ARHGAP15: variants seen among roughly 807,000 people sequenced by gnomAD.
The protein encoded by ARHGAP15 is rho GTPase-activating protein 15.
A neutral mutation model predicts 63.7 loss-of-function variants in ARHGAP15; 51 were observed. The observed-to-expected ratio is 0.80, with a 90% CI of 0.64 to 1.01. The LOEUF (loss-of-function observed/expected upper bound fraction) is 1.01. Ranked by LOEUF, ARHGAP15 falls within the 50% of genes least tolerant of loss-of-function variation. The pLI, the probability that ARHGAP15 is intolerant of heterozygous loss-of-function variation, is 0.00. For synonymous variants in ARHGAP15, 191 were observed against 193.8 expected (o/e 0.99, Z 0.12); for missense variants, 560 against 564.6 (o/e 0.99, Z 0.08).
intron 6 of ARHGAP15, among the ~76,000 whole-genome samples, chr2:143,381,338 CT>C (rs1354262913): frequency 4.6e-5 from 7 of 152,084 alleles, no homozygotes; most frequent in Non-Finnish European, 1.5e-5. Flanking sequence ...TTACCCTCAT[CT>C]TATTGGATGT....
At chr2:143,579,168 C>T (rs1559061642) in intron 11 of ARHGAP15, among the ~76,000 whole-genome samples, 2 of 152,022 alleles carry the variant, frequency 1.3e-5, no homozygotes, top group East Asian at 1.9e-4. Context: ...TACAATGTAT[C>T]GCATAATTAA....
intron 12 of ARHGAP15, among the ~76,000 whole-genome samples, chr2:143,631,999 TCTAG>T (rs1400632427): frequency 5.3e-5 from 8 of 152,238 alleles, no homozygotes; most frequent in African/African-American, 1.7e-4. Flanking sequence ...CTAATTTTTC[TCTAG>T]CTGTTTTAGC....
At chr2:143,575,255 C>G (rs1409633875) in intron 11 of ARHGAP15, among the ~76,000 whole-genome samples, 1 of 152,144 alleles carries the variant, frequency 6.6e-6, no homozygotes, top group Admixed American at 6.6e-5. Context: ...TTTCAAATTT[C>G]TCCATTGGAG....
intron 11 of ARHGAP15, among the ~76,000 whole-genome samples, chr2:143,574,240 A>G (rs1466215306): frequency 1.3e-5 from 2 of 152,126 alleles, no homozygotes; most frequent in Non-Finnish European, 2.9e-5. Context: ...GCAAAACAAC[A>G]TGAGTGTAAT....
chr2:143,598,056 C>T (rs755357237), intron 11 of ARHGAP15: 2 of 152,170 alleles, frequency 1.3e-5, no homozygotes, highest in African/African-American at 2.4e-5. Context: ...CCAAAGTCTC[C>T]ACCTTCCAAC....
In ARHGAP15 at chr2:143,689,424, T is replaced by TTTA. The variant is rs553437871; in HGVS notation, c.1139-13993_1139-13991dup. Among the ~76,000 whole-genome samples, 138 of 152,286 alleles carry TTTA rather than the reference T, an allele frequency of 9.1e-4. 1 individual carries two copies. Among genetic ancestry groups the TTTA allele is most frequent in the African/African-American group, 2.5e-3 (106 of 41,572 alleles). On this transcript the variant is annotated intron_variant, in intron 12 of 13. Transcript: ENST00000295095. ...CAGTTACTGTAAGAGTTCTAAGCTT[T>TTTA]TTATGAGCATTGTTCTCTGAGTTCT...
intron 6 of ARHGAP15, among the ~76,000 whole-genome samples, chr2:143,299,875 T>C (rs11681284): frequency 0.3 from 45,159 of 151,768 alleles, 7,424 homozygotes; most frequent in East Asian, 0.45. Context: ...GAAACAACCA[T>C]GTTGGAAAGG....
intron 11 of ARHGAP15, among the ~76,000 whole-genome samples, chr2:143,577,743 A>G (rs112291983): frequency 6.6e-6 from 1 of 152,244 alleles, no homozygotes; most frequent in African/African-American, 2.4e-5. Context: ...CTAAGGAAAT[A>G]GAATGGGCTG....
intron 12 of ARHGAP15, among the ~76,000 whole-genome samples, chr2:143,695,601 G>T (rs1424216161): frequency 6.6e-6 from 1 of 152,118 alleles, no homozygotes. Context: ...GGATATGGTG[G>T]CTCATGTCTG....
intron 10 of ARHGAP15, 76 bp downstream of exon 10, chr2:143,519,440 A>G: frequency 8.6e-7 from 1 of 1,167,022 alleles, no homozygotes; most frequent in South Asian, 1.3e-5. Context: ...TAGCAGTGCC[A>G]CCTGATTTGT....
At chr2:143,339,904 TTC>T (rs1294609733) in intron 6 of ARHGAP15, among the ~76,000 whole-genome samples, 1 of 152,188 alleles carries the variant, frequency 6.6e-6, no homozygotes, top group East Asian at 1.9e-4. Context: ...ATTTTGGGTG[TTC>T]TCATACAACT....
chr2:143,166,373 G>A (rs919995209), intron 2 of ARHGAP15, among the ~76,000 whole-genome samples: 6 of 152,134 alleles, frequency 3.9e-5, no homozygotes, highest in African/African-American at 1.2e-4. Flanking sequence ...TGGGAAATAG[G>A]AGAACACGTT....
chr2:143,140,165 T>A (rs1052650396), intron 1 of ARHGAP15, among the ~76,000 whole-genome samples: 1 of 152,156 alleles, frequency 6.6e-6, no homozygotes, highest in Admixed American at 6.6e-5. Context: ...TATGATAAAA[T>A]TATGAAACTC....
At chr2:143,479,752 T>C (rs553423244) in intron 8 of ARHGAP15, among the ~76,000 whole-genome samples, 5 of 150,856 alleles carry the variant, frequency 3.3e-5, no homozygotes, top group Non-Finnish European at 7.4e-5. Flanking sequence ...TCTCATTTTG[T>C]TTTAAGGAAA....
In ARHGAP15 at chr2:143,240,179, AAAAATAAAAC is replaced by A. The variant is rs538898434; in HGVS notation, c.385-10322_385-10313del. On this transcript the variant is annotated intron_variant, in intron 5 of 13. Coordinates refer to ENST00000295095, the MANE Select transcript of ARHGAP15 (RefSeq NM_018460.4). ...CAATAGAATGAGACTCTGTCTCTAA[AAAAATAAAAC>A]AAAATAAAATAAAATAAAATAAATA... Among the ~76,000 whole-genome samples the A allele has an allele frequency of 2.2e-3, 333 of 151,574 alleles. 2 individuals carry two copies. The highest frequency in any genetic ancestry group is 3.5e-3 in the Non-Finnish European group (237 of 67,838).
intron 11 of ARHGAP15, among the ~76,000 whole-genome samples, chr2:143,603,127 G>A (rs961700720): frequency 2.0e-5 from 3 of 152,058 alleles, no homozygotes; most frequent in African/African-American, 7.2e-5. Flanking sequence ...GTAGTCAATG[G>A]GACTCACGTG....
At chr2:143,530,455 G>C (rs765587325) in intron 10 of ARHGAP15, among the ~76,000 whole-genome samples, 1 of 152,158 alleles carries the variant, frequency 6.6e-6, no homozygotes, top group Non-Finnish European at 1.5e-5. Flanking sequence ...ATAAAACTGA[G>C]GGATTCGACT....
At chr2:143,463,996 C>T (rs554552914) in intron 8 of ARHGAP15, among the ~76,000 whole-genome samples, 1 of 152,322 alleles carries the variant, frequency 6.6e-6, no homozygotes, top group East Asian at 1.9e-4. Context: ...TTCACACCCT[C>T]CATTCTCCTG....
At chr2:143,213,404 T>C (rs1200029592) in intron 3 of ARHGAP15, among the ~76,000 whole-genome samples, 2 of 151,994 alleles carry the variant, frequency 1.3e-5, no homozygotes, top group Non-Finnish European at 2.9e-5. Context: ...TCCCAGCTAC[T>C]CGGGAGGCTG....
Sources: gnomAD v4.1 joint callset for allele counts (sites outside exome capture counted in the v4.1 genomes callset) on GRCh38, gnomAD v4.1.1 for gene constraint, MANE v1.5 for transcripts, NCBI Gene and HGNC (gene_info 2026-07-23, HGNC 2026-07-21) for gene names.